The following CDC42BPA variants were observed in gnomAD, a reference collection of about 807,000 sequenced individuals.
The protein encoded by CDC42BPA is serine/threonine-protein kinase MRCK alpha.
A neutral mutation model predicts 223.5 loss-of-function variants in CDC42BPA; 80 were observed. That is an observed-to-expected ratio of 0.36 (90% CI 0.30 to 0.43). The LOEUF is 0.43. Among genes scored for constraint, CDC42BPA ranks in the 20% least tolerant of loss-of-function variants. CDC42BPA has a pLI of 1.00. For synonymous variants in CDC42BPA, 694 were observed against 718.6 expected (o/e 0.97, Z 0.55); for missense variants, 1,743 against 2,099.9 (o/e 0.83, Z 3.32).
chr1:227,291,867 T>C (rs57660509), intron 1 of CDC42BPA, among the ~76,000 whole-genome samples: 4,551 of 152,248 alleles, frequency 0.03, 197 homozygotes, highest in African/African-American at 0.1. Context: ...CCACCAGAAA[T>C]TGACCTGTTT....
At chr1:227,145,392 A>T (rs1660539797) in intron 8 of CDC42BPA, 97 bp downstream of exon 8, 6 of 1,055,516 alleles carry the variant, frequency 5.7e-6, no homozygotes, top group Non-Finnish European at 6.9e-6. Context: ...ATCATTGTAA[A>T]ATCATCCTAG....
At chr1:227,068,309 GA>G (rs1183595398) in intron 21 of CDC42BPA, among the ~76,000 whole-genome samples, 12 of 150,240 alleles carry the variant, frequency 8.0e-5, no homozygotes, top group Non-Finnish European at 1.6e-4. Context: ...AAAGAAAAGG[GA>G]AAAGTAAAAT....
At chr1:227,163,988 C>T (rs1664578167) in intron 5 of CDC42BPA, among the ~76,000 whole-genome samples, 1 of 152,098 alleles carries the variant, frequency 6.6e-6, no homozygotes, top group Admixed American at 6.5e-5. Flanking sequence ...TCTAATACCA[C>T]ATACGTCATA....
Position 227,139,571 on chromosome 1 carries a change from T to C in CDC42BPA, c.1390+5A>G, listed in dbSNP as rs556379952. 6.5e-7 allele frequency: 1 copy of C among 1,528,700 alleles called. No homozygotes were observed. Among genetic ancestry groups the C allele is most frequent in the Non-Finnish European group, 8.8e-7 (1 of 1,135,194 alleles). 94.7% of individuals were successfully genotyped at this position (1,528,700 alleles called of 1,614,324 possible). A position where few individuals can be genotyped will look rare whatever the true frequency, so the allele number is the denominator to read the frequency against. On this transcript the variant is annotated splice_donor_5th_base_variant and intron_variant, in intron 10 of 36. Coordinates refer to ENST00000366766, the MANE Select transcript of CDC42BPA (RefSeq NM_001394014.1). The stretch of plus-strand genomic sequence containing the variant: ...AAAGTGAAAATATATTTAAAATATA[T>C]TTACCTTGAAGTTTTCTACTGAGTT...
intron 2 of CDC42BPA, among the ~76,000 whole-genome samples, chr1:227,227,319 C>T (rs1677035702): frequency 6.6e-6 from 1 of 152,134 alleles, no homozygotes; most frequent in Non-Finnish European, 1.5e-5. Flanking sequence ...CATCTCTCTT[C>T]TCTGAACTTA....
chr1:227,255,668 T>C (rs1039312759), intron 1 of CDC42BPA, among the ~76,000 whole-genome samples: 1 of 152,034 alleles, frequency 6.6e-6, no homozygotes, highest in African/African-American at 2.4e-5. Context: ...AAAGCAGTAA[T>C]AAAAGAATTA....
intron 3 of CDC42BPA, among the ~76,000 whole-genome samples, chr1:227,206,972 G>C (rs1166212492): frequency 6.6e-6 from 1 of 151,576 alleles, no homozygotes. Context: ...GGGTACATGT[G>C]CACAATGTGC....
At chr1:227,242,915 A>C (rs575220319) in intron 2 of CDC42BPA, among the ~76,000 whole-genome samples, 1 of 152,346 alleles carries the variant, frequency 6.6e-6, no homozygotes, top group Non-Finnish European at 1.5e-5. Flanking sequence ...AAAGACATGG[A>C]ATCAACCTAA....
At chr1:227,066,724 G>C (rs973349053) in intron 21 of CDC42BPA, among the ~76,000 whole-genome samples, 6 of 152,136 alleles carry the variant, frequency 3.9e-5, no homozygotes, top group Non-Finnish European at 7.4e-5. Flanking sequence ...AAGCTAAAGA[G>C]AATACAGAAA....
intron 20 of CDC42BPA, among the ~76,000 whole-genome samples, chr1:227,071,299 C>T (rs1678275160): frequency 6.6e-6 from 1 of 151,876 alleles, no homozygotes. Flanking sequence ...AGCACTTAGA[C>T]CTAATAAAAA....
At position 227,206,383 on chromosome 1, in the gene CDC42BPA, T is replaced by TC. The variant is rs1305805479; in HGVS notation, c.355-6732_355-6731insG. Among the ~76,000 whole-genome samples the TC allele has an allele frequency of 1.5e-4, 23 of 152,216 alleles. No homozygotes were observed. The East Asian group carries it at 4.1e-3, about 27-fold the overall frequency. On this transcript the variant is annotated intron_variant, in intron 3 of 36. Coordinates refer to ENST00000366766, the MANE Select transcript of CDC42BPA (RefSeq NM_001394014.1). ...ATATTATTATACCTTTCTGCCCAGG[T>TC]ATAGAAAAGAGAGGAGGCTTCCTAG...
In CDC42BPA at chr1:227,035,571, T is replaced by C; in HGVS notation, c.3236A>G (p.Lys1079Arg). The stretch of plus-strand genomic sequence containing the variant: ...AGGAACTGGACAAGTGGTTGGAGCT[T>C]TGTTTACACAAGTTATATGGCATGA... ...GFSCHITCVN[K>R]APTTCPVPPE... The change falls in exon 25 of 37, where the codon AAA (lysine) becomes AGA (arginine). Residue 1079 changes from lysine (K) to arginine (R), a missense_variant. Physicochemically the swap from Lys to Arg is conservative, Grantham distance 26 (BLOSUM62 2). Transcript: ENST00000366766. The C allele has an allele frequency of 6.2e-7, 1 of 1,609,144 alleles. No homozygotes were observed. Among genetic ancestry groups the C allele is most frequent in the Non-Finnish European group, 8.5e-7 (1 of 1,178,810 alleles).
intron 21 of CDC42BPA, chr1:227,059,242 G>T: frequency 1.4e-6 from 1 of 731,658 alleles, no homozygotes; most frequent in Non-Finnish European, 2.3e-6. Flanking sequence ...AGCAGGAGCA[G>T]CAGCACAAAG....
At chr1:227,280,714 A>T (rs1687879774) in intron 1 of CDC42BPA, among the ~76,000 whole-genome samples, 1 of 152,244 alleles carries the variant, frequency 6.6e-6, no homozygotes. Flanking sequence ...TAACAAAAAA[A>T]ATCTGATCTT....
At chr1:227,173,641 C>T (rs901958053) in intron 5 of CDC42BPA, among the ~76,000 whole-genome samples, 2 of 151,992 alleles carry the variant, frequency 1.3e-5, no homozygotes, top group Non-Finnish European at 2.9e-5. Context: ...ACTCGGTAAG[C>T]ACTATCATAT....
At chr1:227,118,708 T>A (rs1434128233) in intron 12 of CDC42BPA, among the ~76,000 whole-genome samples, 1 of 152,046 alleles carries the variant, frequency 6.6e-6, no homozygotes, top group Non-Finnish European at 1.5e-5. Flanking sequence ...ATAACGCCGA[T>A]TATGTTAACT....
At chr1:227,032,218 A>G (rs771370087) in intron 27 of CDC42BPA, among the ~76,000 whole-genome samples, 2 of 152,376 alleles carry the variant, frequency 1.3e-5, no homozygotes, top group East Asian at 1.9e-4. Flanking sequence ...ATTCCTTATC[A>G]TAAGTAAAGA....
chr1:227,297,353 C>T (rs1690822662), intron 1 of CDC42BPA, among the ~76,000 whole-genome samples: 1 of 152,118 alleles, frequency 6.6e-6, no homozygotes, highest in Admixed American at 6.5e-5. Context: ...ATGACGGTAC[C>T]ACTGCTTTGA....
At chr1:227,270,729 T>TC (rs570582249) in intron 1 of CDC42BPA, among the ~76,000 whole-genome samples, 25 of 152,200 alleles carry the variant, frequency 1.6e-4, no homozygotes, top group Admixed American at 1.4e-3. Context: ...AAGCAATAAT[T>TC]CCCCATCCCC....
Sources: gnomAD v4.1 joint callset for allele counts (sites outside exome capture counted in the v4.1 genomes callset) on GRCh38, gnomAD v4.1.1 for gene constraint, MANE v1.5 for transcripts, NCBI Gene and HGNC (gene_info 2026-07-23, HGNC 2026-07-21) for gene names.